PLEKHH2: variants seen among roughly 807,000 people sequenced by gnomAD.
PLEKHH2 encodes the protein pleckstrin homology domain-containing family H member 2.
PLEKHH2 carries 129 observed loss-of-function variants against 187.9 expected under a neutral mutation model. The observed-to-expected ratio is 0.69, with a 90% CI of 0.59 to 0.79. The LOEUF (loss-of-function observed/expected upper bound fraction) is 0.79, where lower values mean the gene tolerates loss of function less well. PLEKHH2 is among the 30% of genes least tolerant of loss of function. The pLI is 0.00. For missense variants in PLEKHH2, 2,076 were observed against 1,751.2 expected (o/e 1.19, Z -3.31); for synonymous variants, 686 against 605.6 (o/e 1.13, Z -1.95).
Position 43,742,815 on chromosome 2 carries a change from C to T in PLEKHH2, c.3296C>T (p.Ala1099Val), listed in dbSNP as rs1238362306. 6.2e-7 allele frequency: 1 copy of T among 1,607,270 alleles called. No homozygotes were observed. Among genetic ancestry groups the T allele is most frequent in the African/African-American group, 1.3e-5 (1 of 74,528 alleles). ...ACGCAACAAAATGGTGACAGAGAAG[C>T]AAGACCCTCAAGGATGGAAATTCTT... ...ERTQQNGDRE[A>V]RPSRMEILST... Residue 1099 changes from alanine to valine, a missense_variant, in exon 22 of 30, where the codon GCA (alanine) becomes GTA (valine). Transcript: ENST00000282406.
At chr2:43,644,179 A>G (rs914900752) in intron 1 of PLEKHH2, among the ~76,000 whole-genome samples, 1 of 152,162 alleles carries the variant, frequency 6.6e-6, no homozygotes, top group Admixed American at 6.5e-5. Context: ...AATTGTAGCA[A>G]TTGAATCAAA....
At chr2:43,765,329 C>T (rs1672579134) in intron 29 of PLEKHH2, 84 bp from the exon 30 acceptor site, 11 of 1,335,310 alleles carry the variant, frequency 8.2e-6, no homozygotes, top group African/African-American at 1.5e-5. Flanking sequence ...GCAAATGGAG[C>T]TCACCTGTGG....
rs543814452 is a variant in PLEKHH2, at chr2:43,746,072, G to C, written c.3653+109G>C. 552 of 605,928 alleles carry C rather than the reference G, an allele frequency of 9.1e-4. 2 individuals carry two copies. The African/African-American group carries it at 9.8e-3, about 11-fold the overall frequency. 37.5% of individuals were successfully genotyped at this position (605,928 alleles called of 1,614,324 possible). ...TGCCTTAAAAGTTATTTATTTGTAA[G>C]TTTGTCTTTCTATAAATGATAACTC... is the stretch of plus-strand genomic sequence containing the variant. On this transcript the variant is annotated intron_variant, in intron 24 of 29. Coordinates refer to ENST00000282406, the MANE Select transcript of PLEKHH2 (RefSeq NM_172069.4).
intron 8 of PLEKHH2, 60 bp downstream of exon 8, chr2:43,700,668 T>C: frequency 1.3e-6 from 2 of 1,524,726 alleles, no homozygotes; most frequent in Non-Finnish European, 1.8e-6. Flanking sequence ...ACTTTTTTTT[T>C]CTGGGAGGGA....
chr2:43,744,180 A>G (rs1425859480), intron 23 of PLEKHH2, 191 bp downstream of exon 23: 3 of 1,204,198 alleles, frequency 2.5e-6, no homozygotes, highest in Non-Finnish European at 2.2e-6. Flanking sequence ...CACAATCTCT[A>G]CATATACACA....
intron 15 of PLEKHH2, among the ~76,000 whole-genome samples, chr2:43,717,485 G>A (rs982140403): frequency 6.6e-6 from 1 of 152,118 alleles, no homozygotes; most frequent in Admixed American, 6.6e-5. Flanking sequence ...GAGGGGGAGG[G>A]AAGTGGGAGG....
rs1553353833 is a variant in PLEKHH2 at position 43,754,205 on chromosome 2, C to CACAA, written c.3795+446_3795+447insCAAA. Among the ~76,000 whole-genome samples the CACAA allele has an allele frequency of 7.2e-4, 103 of 143,178 alleles. 2 individuals are homozygous for CACAA. Among genetic ancestry groups the CACAA allele is most frequent in the African/African-American group, 2.4e-3 (90 of 37,470 alleles). The allele number at this position is 143,178 out of a possible 152,430, so 93.9% of individuals were successfully genotyped here. ...ACACACACACACACACACACACACACAAAATTAATACTGACTTAATCAGAA... is the reference window on the plus strand; with the variant it reads ...ACACACACACACACACACACACACACACAAAAAATTAATACTGACTTAATCAGAA... On this transcript the variant is annotated intron_variant, in intron 25 of 29. Transcript: ENST00000282406.
intron 2 of PLEKHH2, among the ~76,000 whole-genome samples, chr2:43,660,228 G>A (rs1666998156): frequency 6.6e-6 from 1 of 152,092 alleles, no homozygotes; most frequent in African/African-American, 2.4e-5. Flanking sequence ...CCTGTTTATT[G>A]TAGAGTAGTA....
At chr2:43,638,422 T>C (rs2104305916) in intron 1 of PLEKHH2, among the ~76,000 whole-genome samples, 1 of 152,306 alleles carries the variant, frequency 6.6e-6, no homozygotes, top group Non-Finnish European at 1.5e-5. Context: ...TTTTCTTTCC[T>C]TTTTGGGATT....
At chr2:43,708,924 G>A (rs1012175177) in intron 11 of PLEKHH2, among the ~76,000 whole-genome samples, 2 of 152,160 alleles carry the variant, frequency 1.3e-5, no homozygotes, top group South Asian at 4.1e-4. Context: ...CAAATAAAAA[G>A]CAGTGTCACA....
In PLEKHH2 at chr2:43,765,589, C is replaced by G. The variant is rs1255599325; in HGVS notation, c.4473C>G (p.Thr1491=). Residue 1491 remains threonine (T), a synonymous_variant, in exon 30 of 30, where the codon ACC becomes ACG. Transcript: ENST00000282406. ...GCAGCAGACCGACCAAAGGCCCCAC[C>G]TTACTCTGAAAGCTGGGGAGCCTGA... The part of the protein sequence containing the change: ...LSSSRPTKGP[T]LL 2 of 1,613,266 alleles carry G rather than the reference C, an allele frequency of 1.2e-6. No individual in the cohort carries two copies. Among genetic ancestry groups the G allele is most frequent in the Non-Finnish European group, 1.7e-6 (2 of 1,179,740 alleles).
intron 24 of PLEKHH2, among the ~76,000 whole-genome samples, chr2:43,746,459 C>A (rs1279993965): frequency 6.6e-6 from 1 of 152,024 alleles, no homozygotes; most frequent in South Asian, 2.1e-4. Context: ...TGCAGTGAGC[C>A]GTGATTGTGC....
chr2:43,681,203 A>T, intron 3 of PLEKHH2: 1 of 672,870 alleles, frequency 1.5e-6, no homozygotes, highest in Admixed American at 2.6e-5. Flanking sequence ...AAGAATACAG[A>T]AAGCTGTTTC....
chr2:43,738,428 C>G lies in PLEKHH2; in HGVS notation c.3031C>G (p.Leu1011Val), dbSNP rs1671401961. The G allele has an allele frequency of 1.9e-6, 3 of 1,614,044 alleles. No individual in the cohort carries two copies. Among genetic ancestry groups the G allele is most frequent in the Non-Finnish European group, 2.5e-6 (3 of 1,179,960 alleles). The change falls in exon 20 of 30, where the codon CTG becomes GTG. Residue 1011 changes from leucine (L) to valine (V), a missense_variant. By Grantham distance (32) the Leu-to-Val change is conservative. Transcript: ENST00000282406. Reference protein sequence around the residue: ...SLAQSALQICLTHPELQNEIC... With the variant: ...SLAQSALQICVTHPELQNEIC... ...AGCCCAGAGTGCTTTGCAAATCTGC[C>G]TGACACATCCTGAGCTGCAGAATGA...
At chr2:43,761,816 A>G (rs1438465160) in intron 27 of PLEKHH2, among the ~76,000 whole-genome samples, 1 of 152,198 alleles carries the variant, frequency 6.6e-6, no homozygotes, top group African/African-American at 2.4e-5. Context: ...TTTATTACAC[A>G]TTGAATATCA....
chr2:43,677,948 C>A (rs1302516705), intron 2 of PLEKHH2, among the ~76,000 whole-genome samples: 2 of 44,358 alleles, frequency 4.5e-5, no homozygotes, highest in African/African-American at 1.8e-4. Flanking sequence ...CACCTCCCTC[C>A]CAGACGGGGC....
chr2:43,651,004 T>C (rs911081940), intron 2 of PLEKHH2, among the ~76,000 whole-genome samples: 3 of 152,086 alleles, frequency 2.0e-5, no homozygotes, highest in Admixed American at 6.6e-5. Context: ...CTAAGTTTTA[T>C]TGGATATACC....
At chr2:43,718,924 C>T (rs1469725857) in intron 15 of PLEKHH2, among the ~76,000 whole-genome samples, 1 of 152,130 alleles carries the variant, frequency 6.6e-6, no homozygotes, top group African/African-American at 2.4e-5. Context: ...GGTGGAGTTA[C>T]TCATTTGCTT....
chr2:43,736,279 T>G (rs1671288891), intron 19 of PLEKHH2, among the ~76,000 whole-genome samples: 1 of 152,024 alleles, frequency 6.6e-6, no homozygotes, highest in African/African-American at 2.4e-5. Flanking sequence ...AGTTAGAAGA[T>G]AAAAAGGAAG....
Sources: allele counts gnomAD v4.1 joint callset (sites outside exome capture counted in the v4.1 genomes callset), GRCh38; gene constraint gnomAD v4.1.1; transcripts MANE v1.5; gene names NCBI Gene and HGNC (gene_info 2026-07-23, HGNC 2026-07-21).